The following GTPBP6 variants were observed in gnomAD, a reference collection of about 807,000 sequenced individuals.
The protein encoded by GTPBP6 is putative GTP-binding protein 6.
GTPBP6 carries 33 observed loss-of-function variants against 28.9 expected under a neutral mutation model. The ratio of observed to expected loss-of-function variants is 1.14; its 90% CI spans 0.87 to 1.53. GTPBP6 has a LOEUF of 1.53. GTPBP6 is among the 40% of genes most tolerant of loss of function. The probability of loss-of-function intolerance (pLI) is 0.00; values close to 1 mark genes in which losing one functional copy is unlikely to be tolerated. For synonymous variants in GTPBP6, 231 were observed against 192.7 expected (o/e 1.20, Z -1.65); for missense variants, 507 against 408.3 (o/e 1.24, Z -2.08).
intron 5 of GTPBP6, among the ~76,000 whole-genome samples, chrX:313,216 C>T (rs747696300): frequency 1.1e-3 from 165 of 152,362 alleles, no homozygotes; most frequent in Non-Finnish European, 1.4e-3. Context: ...GAGCGGGACA[C>T]GGCCCAGGAC....
chrX:314,506 T>A (rs2070389012), intron 4 of GTPBP6, among the ~76,000 whole-genome samples: 1 of 137,512 alleles, frequency 7.3e-6, no homozygotes, highest in Non-Finnish European at 1.7e-5. Context: ...GGAGTCTCGC[T>A]CTGTCACCCA....
Position 311,292 on chromosome X carries a change from C to T in GTPBP6, c.1125+127G>A. On this transcript the variant is annotated intron_variant, in intron 7 of 9. Transcript: ENST00000326153. ...CCTGGCCCCTGGGCTGAGTGGGTGT[C>T]CGAGGGCCCGGCCCCTGGGCTGAGT... The T allele has an allele frequency of 1.6e-5, 8 of 485,432 alleles. No homozygotes were observed. The South Asian group carries it at 2.7e-4, about 17-fold the overall frequency. The allele number at this position is 485,432 out of a possible 1,614,324, so 30.1% of individuals were successfully genotyped here.
intron 4 of GTPBP6, among the ~76,000 whole-genome samples, 168 bp from the exon 5 acceptor site, chrX:314,385 C>T (rs776226878): frequency 5.3e-5 from 8 of 152,296 alleles, no homozygotes; most frequent in Admixed American, 5.2e-4. Flanking sequence ...TGACGCGTGT[C>T]CCGGGCCGAG....
chrX:308,120 C>T (rs1045911069), intron 7 of GTPBP6, among the ~76,000 whole-genome samples: 22 of 152,154 alleles, frequency 1.4e-4, no homozygotes, highest in Non-Finnish European at 2.8e-4. Context: ...CTCCGCACCC[C>T]CAGACCCACA....
chrX:304,940 G>T (rs1472547744), exon 10 of GTPBP6: 3 of 1,468,222 alleles, frequency 2.0e-6, no homozygotes, highest in South Asian at 1.4e-5. Flanking sequence ...CAAATGGCTG[G>T]GAGCGAGACG....
chrX:312,976 A>C, intron 5 of GTPBP6, 52 bp from the exon 6 acceptor site: 1 of 1,538,096 alleles, frequency 6.5e-7, no homozygotes, highest in Non-Finnish European at 8.9e-7. Context: ...GAAAGGCACA[A>C]GTGCGGGCGG....
intron 7 of GTPBP6, 111 bp from the exon 8 acceptor site, chrX:307,991 A>T: frequency 1.0e-6 from 1 of 997,256 alleles, no homozygotes; most frequent in Non-Finnish European, 1.4e-6. Flanking sequence ...CAGGCTGGGC[A>T]TGGGAGGTAC....
exon 8 of GTPBP6, chrX:307,799 G>C: frequency 6.5e-7 from 1 of 1,549,930 alleles, no homozygotes; most frequent in Non-Finnish European, 8.7e-7. Flanking sequence ...GGCAGCTGCA[G>C]GCCACGCAGC....
intron 9 of GTPBP6, 90 bp downstream of exon 9, chrX:307,270 G>T: frequency 8.2e-7 from 1 of 1,220,796 alleles, no homozygotes; most frequent in Non-Finnish European, 1.2e-6. Flanking sequence ...GGATCTCACA[G>T]CTCCTTGTGC....
exon 6 of GTPBP6, chrX:312,879 T>G (rs368875815): frequency 1.3e-4 from 213 of 1,612,520 alleles, no homozygotes; most frequent in Non-Finnish European, 1.7e-4. Context: ...GATCTTGGCC[T>G]CCTTCTCTCT....
At chrX:312,776 G>A in exon 6 of GTPBP6, 2 of 1,612,346 alleles carry the variant, frequency 1.2e-6, no homozygotes, top group East Asian at 2.2e-5. Context: ...CGCAGTTGGT[G>A]TACCCCACCA....
At chrX:308,606 G>A (rs2070221334) in intron 7 of GTPBP6, among the ~76,000 whole-genome samples, 2 of 151,972 alleles carry the variant, frequency 1.3e-5, no homozygotes. Flanking sequence ...CTTGAGCCCA[G>A]GAGGTCGAGG....
In GTPBP6 at chrX:311,646, C is replaced by A; in HGVS notation, c.917-19G>T. 3 of 1,589,964 alleles carry A rather than the reference C, an allele frequency of 1.9e-6. No homozygotes were observed. The highest frequency in any genetic ancestry group is 1.7e-6 in the Non-Finnish European group (2 of 1,159,798). On this transcript the variant is annotated intron_variant, in intron 6 of 9. Coordinates refer to ENST00000326153, the Ensembl canonical transcript of GTPBP6. Reference sequence around the variant, plus strand: ...GTCTTTCCTAGGAGGGCGTGGAGGTCAGGGCGCTGCAGAGATCCCTGCGTC... The same window carrying A: ...GTCTTTCCTAGGAGGGCGTGGAGGTAAGGGCGCTGCAGAGATCCCTGCGTC...
intron 1 of GTPBP6, among the ~76,000 whole-genome samples, chrX:317,575 T>G (rs1200158586): frequency 3.8e-4 from 50 of 129,954 alleles, no homozygotes; most frequent in African/African-American, 1.4e-3. Flanking sequence ...GGGGTGGGAC[T>G]AGACACAGAT....
At position 312,820 on chromosome X, in the gene GTPBP6, G is replaced by A. The variant is rs765300001; in HGVS notation, c.862C>T (p.Gln288Ter). The A allele has an allele frequency of 1.9e-6, 3 of 1,612,730 alleles. No homozygotes were observed. The highest frequency in any genetic ancestry group is 1.1e-5 in the South Asian group (1 of 91,036). The change falls in exon 6 of 10, where the codon CAG becomes TAG. Residue 288 changes from glutamine (Q) to a stop codon, truncating the protein, a stop_gained. Coordinates refer to ENST00000326153, the Ensembl canonical transcript of GTPBP6. LOFTEE classifies it high-confidence loss of function. ...ACGGGGAACTCCCGCCTCGTCCGCT[G>A]CCGGCGGAGCAGGTGCCTCTTCTTG...
chrX:311,500 C>T, exon 7 of GTPBP6: 1 of 1,612,196 alleles, frequency 6.2e-7, no homozygotes, highest in Non-Finnish European at 8.5e-7. Context: ...CGATGGTGTC[C>T]ACGTACAGGA....
chrX:311,319 GGTGTCCGAGGGCCCGACCCCTGGCT>G (rs2070288460), intron 7 of GTPBP6, 75 bp downstream of exon 7: 2 of 739,036 alleles, frequency 2.7e-6, no homozygotes, highest in African/African-American at 3.6e-5. Context: ...GGGCTGAGTG[GGTGTCCGAGGGCCCGACCCCTGGCT>G]GTGTGTGTCT....
Position 311,526 on chromosome X carries a change from G to A in GTPBP6, c.1018C>T (p.Pro340Ser), listed in dbSNP as rs1278841835. The change falls in exon 7 of 10, where the codon CCC becomes TCC. Residue 340 changes from proline to serine, a missense_variant. Coordinates refer to ENST00000326153, the Ensembl canonical transcript of GTPBP6. ...ACGTACAGGACGGTCATGCGTGAGG[G>A]CAGCGTGCCCGCGTGGGCCGTGACG... 6.8e-6 allele frequency: 11 copies of A among 1,612,064 alleles called. No individual in the cohort carries two copies. In the Admixed American group the frequency reaches 1.8e-4, roughly 27 times the overall value.
rs1487400403 is a variant in GTPBP6 at position 315,600 on chromosome X, G to A, written c.488-301C>T. Among the ~76,000 whole-genome samples, 266 of 134,406 alleles carry A rather than the reference G, an allele frequency of 2.0e-3. 1 individual carries two copies. Among genetic ancestry groups the A allele is most frequent in the Admixed American group, 3.5e-3 (47 of 13,384 alleles). The allele number at this position is 134,406 out of a possible 152,430, so 88.2% of individuals were successfully genotyped here. A position where few individuals can be genotyped will look rare whatever the true frequency, so the allele number is the denominator to read the frequency against. On this transcript the variant is annotated intron_variant, in intron 2 of 9. Transcript: ENST00000326153. ...CACACACACACAGTAAATACATCCC[G>A]ACAGGGACAGACACAGACACACAGA...
Sources: allele counts gnomAD v4.1 joint callset (sites outside exome capture counted in the v4.1 genomes callset), GRCh38; gene constraint gnomAD v4.1.1; transcripts MANE v1.5; gene names NCBI Gene and HGNC (gene_info 2026-07-23, HGNC 2026-07-21).